Variants in AUTS2 observed in about 807,000 individuals in gnomAD.
AUTS2 encodes activator of transcription and developmental regulator AUTS2.
AUTS2 carries 17 observed loss-of-function variants against 112.4 expected under a neutral mutation model. The observed-to-expected ratio is 0.15, with a 90% CI of 0.10 to 0.23. AUTS2 has a LOEUF of 0.23. Ranked by LOEUF, AUTS2 falls within the 10% of genes least tolerant of loss-of-function variation. The pLI, the probability that AUTS2 is intolerant of heterozygous loss-of-function variation, is 1.00. For synonymous variants in AUTS2, 751 were observed against 702.7 expected (o/e 1.07, Z -1.09); for missense variants, 1,510 against 1,701.6 (o/e 0.89, Z 1.98).
chr7:70,618,330 ACCT>A, intron 5 of AUTS2, among the ~76,000 whole-genome samples: 1 of 152,100 alleles, frequency 6.6e-6, no homozygotes, highest in South Asian at 2.1e-4. Flanking sequence ...ATCCTCTCTA[ACCT>A]CCTGTGATCT....
chr7:70,414,950 T>C (rs908849448), intron 4 of AUTS2, among the ~76,000 whole-genome samples: 1 of 152,216 alleles, frequency 6.6e-6, no homozygotes, highest in Admixed American at 6.5e-5. Context: ...GTTGGTGGGC[T>C]TCAGTTTGGG....
intron 2 of AUTS2, among the ~76,000 whole-genome samples, chr7:70,090,806 G>A (rs1298642536): frequency 1.3e-5 from 2 of 150,572 alleles, no homozygotes; most frequent in South Asian, 2.1e-4. Context: ...AGCCTCCTGA[G>A]CAGCTGGGAC....
chr7:70,406,532 G>T (rs1794541486), intron 4 of AUTS2, among the ~76,000 whole-genome samples: 1 of 152,230 alleles, frequency 6.6e-6, no homozygotes, highest in Non-Finnish European at 1.5e-5. Context: ...CTGTTGAGAA[G>T]AACAGTGTAC....
intron 1 of AUTS2, among the ~76,000 whole-genome samples, chr7:69,613,579 A>T (rs1793157551): frequency 1.3e-5 from 2 of 152,100 alleles, no homozygotes; most frequent in Non-Finnish European, 2.9e-5. Context: ...CATTTATCTC[A>T]CTGAATTCTA....
At chr7:70,650,066 T>C (rs1253216255) in intron 5 of AUTS2, among the ~76,000 whole-genome samples, 1 of 152,212 alleles carries the variant, frequency 6.6e-6, no homozygotes, top group Non-Finnish European at 1.5e-5. Context: ...GCCATTCTCT[T>C]AGCTTTCTCC....
At chr7:69,671,320 C>G (rs545070427) in intron 1 of AUTS2, among the ~76,000 whole-genome samples, 1 of 152,134 alleles carries the variant, frequency 6.6e-6, no homozygotes, top group African/African-American at 2.4e-5. Flanking sequence ...AAATCTGTTC[C>G]GTCTTCTGTA....
At chr7:69,735,168 T>G (rs1209075594) in intron 1 of AUTS2, among the ~76,000 whole-genome samples, 2 of 152,204 alleles carry the variant, frequency 1.3e-5, no homozygotes, top group Admixed American at 6.5e-5. Context: ...TCATAAACCT[T>G]TATGTAGGAT....
intron 5 of AUTS2, among the ~76,000 whole-genome samples, chr7:70,611,943 A>G (rs1358156369): frequency 6.6e-6 from 1 of 152,228 alleles, no homozygotes; most frequent in Non-Finnish European, 1.5e-5. Flanking sequence ...AGTTTCTACA[A>G]AGGGGGCCTT....
In AUTS2 at chr7:69,887,832, A is replaced by G. The variant is rs181580802; in HGVS notation, c.310-11454A>G. Among the ~76,000 whole-genome samples the G allele has an allele frequency of 6.2e-4, 95 of 152,326 alleles. 1 individual carries two copies. Among genetic ancestry groups the G allele is most frequent in the Non-Finnish European group, 2.8e-4 (19 of 68,032 alleles). ...AATTTGGCCTTGATATCAAGCCATG[A>G]AAAAGATGTTTAGAACTAACATTCA... On this transcript the variant is annotated intron_variant, in intron 1 of 18. Coordinates refer to ENST00000342771, the MANE Select transcript of AUTS2 (RefSeq NM_015570.4).
chr7:69,856,652 T>C (rs1326216720), intron 1 of AUTS2, among the ~76,000 whole-genome samples: 1 of 152,224 alleles, frequency 6.6e-6, no homozygotes, highest in Non-Finnish European at 1.5e-5. Flanking sequence ...ATTCTCAGCC[T>C]TAGTTTCCTC....
At chr7:70,624,028 G>T (rs1014134652) in intron 5 of AUTS2, among the ~76,000 whole-genome samples, 1 of 152,242 alleles carries the variant, frequency 6.6e-6, no homozygotes, top group Non-Finnish European at 1.5e-5. Context: ...TACCAGGGAA[G>T]TACCTACCTG....
intron 1 of AUTS2, among the ~76,000 whole-genome samples, chr7:69,780,045 T>TG (rs1157253146): frequency 6.6e-6 from 1 of 152,016 alleles, no homozygotes. Context: ...TTTCTAGAGA[T>TG]GGGGGTCTTT....
chr7:70,070,943 C>T (rs1264066247), intron 2 of AUTS2, among the ~76,000 whole-genome samples: 1 of 150,876 alleles, frequency 6.6e-6, no homozygotes, highest in East Asian at 1.9e-4. Context: ...AGAAATTCAC[C>T]AGGTACATTA....
At chr7:70,123,753 A>G (rs1176458911) in intron 3 of AUTS2, among the ~76,000 whole-genome samples, 1 of 152,176 alleles carries the variant, frequency 6.6e-6, no homozygotes, top group Non-Finnish European at 1.5e-5. Context: ...TCTGTCATTG[A>G]TGGGCATTTA....
At position 70,766,176 on chromosome 7, in the gene AUTS2, G is replaced by A; in HGVS notation, c.1531G>A (p.Gly511Arg). The stretch of plus-strand genomic sequence containing the variant: ...TTTGGCCTCTCAGAGTGCTGACCGC[G>A]GGGCTTCCCTGGGCCCTCCGCCCTA... ...RFLASQSADR[G>R]ASLGPPPYLR... Residue 511 changes from glycine to arginine, a missense_variant, in exon 9 of 19, where the codon GGG becomes AGG. By Grantham distance (125) the Gly-to-Arg change is moderately radical (BLOSUM62 -2). Transcript: ENST00000342771. This position sits in a 1 kb window ranked among gnomAD's most constrained non-coding sequence, Gnocchi z 4.8. 2.5e-6 allele frequency: 4 copies of A among 1,614,122 alleles called. No individual in the cohort carries two copies. The highest frequency in any genetic ancestry group is 3.4e-6 in the Non-Finnish European group (4 of 1,180,038).
chr7:69,837,129 G>A (rs1791763001), intron 1 of AUTS2, among the ~76,000 whole-genome samples: 2 of 152,082 alleles, frequency 1.3e-5, no homozygotes, highest in Non-Finnish European at 2.9e-5. Context: ...TAAAGGGCGA[G>A]TCTTTGCCTC....
At chr7:69,738,385 C>A (rs962445595) in intron 1 of AUTS2, among the ~76,000 whole-genome samples, 3 of 152,084 alleles carry the variant, frequency 2.0e-5, no homozygotes, top group African/African-American at 7.2e-5. Context: ...CCCTGGGGAG[C>A]AGATATGCTA....
intron 4 of AUTS2, among the ~76,000 whole-genome samples, chr7:70,339,750 G>C (rs992206531): frequency 3.6e-4 from 55 of 152,298 alleles, no homozygotes; most frequent in African/African-American, 1.2e-3. Flanking sequence ...GTGGGGTAGA[G>C]AATAGGGCCT....
At chr7:70,534,529 C>T (rs1416114354) in intron 5 of AUTS2, among the ~76,000 whole-genome samples, 3 of 152,174 alleles carry the variant, frequency 2.0e-5, no homozygotes, top group East Asian at 1.9e-4. Context: ...CAGGTTCAAG[C>T]GATTCTCCTG....
Sources: gnomAD v4.1 joint callset for allele counts (sites outside exome capture counted in the v4.1 genomes callset) on GRCh38, gnomAD v4.1.1 for gene constraint, Gnocchi (gnomAD v3.1) non-coding constraint, MANE v1.5 for transcripts, NCBI Gene and HGNC (gene_info 2026-07-23, HGNC 2026-07-21) for gene names.